CACNA2D3: variants seen among roughly 807,000 people sequenced by gnomAD.
CACNA2D3 encodes the protein voltage-dependent calcium channel subunit alpha-2/delta-3.
A neutral mutation model predicts 160.6 loss-of-function variants in CACNA2D3; 60 were observed. The ratio of observed to expected loss-of-function variants is 0.37; its 90% confidence interval spans 0.30 to 0.46. CACNA2D3 has a LOEUF of 0.46. Ranked by LOEUF, CACNA2D3 falls within the 20% of genes least tolerant of loss-of-function variation. The pLI, the probability that CACNA2D3 is intolerant of heterozygous loss-of-function variation, is 1.00. For missense variants in CACNA2D3, 1,205 were observed against 1,365.0 expected (o/e 0.88, Z 1.85); for synonymous variants, 558 against 492.9 (o/e 1.13, Z -1.75).
chr3:54,896,442 T>G (rs1700190607), intron 25 of CACNA2D3, among the ~76,000 whole-genome samples: 1 of 152,164 alleles, frequency 6.6e-6, no homozygotes, highest in African/African-American at 2.4e-5. Context: ...GGGACATCCT[T>G]GGGTTTTCTG....
chr3:54,149,777 G>C (rs1029002437), intron 2 of CACNA2D3, among the ~76,000 whole-genome samples: 1 of 152,128 alleles, frequency 6.6e-6, no homozygotes, highest in Non-Finnish European at 1.5e-5. Flanking sequence ...GGTTCTCTGA[G>C]ATTTAAAGAA....
chr3:54,371,014 C>G (rs1224807294), intron 3 of CACNA2D3, among the ~76,000 whole-genome samples: 1 of 152,108 alleles, frequency 6.6e-6, no homozygotes, highest in African/African-American at 2.4e-5. Context: ...TTCACTGAGC[C>G]TACCGTTTTC....
chr3:54,989,583 T>G (rs1226796203), intron 31 of CACNA2D3, among the ~76,000 whole-genome samples: 2 of 152,126 alleles, frequency 1.3e-5, no homozygotes, highest in African/African-American at 4.8e-5. Context: ...AGCTGCTTGA[T>G]TTAGTCAGAT....
In CACNA2D3 at chr3:54,972,936, G is replaced by A. The variant is rs151305386; in HGVS notation, c.2556+3092G>A. Among the ~76,000 whole-genome samples the A allele has an allele frequency of 4.0e-3, 606 of 152,236 alleles. 2 individuals are homozygous for A. Among genetic ancestry groups the A allele is most frequent in the African/African-American group, 0.014 (567 of 41,554 alleles). On this transcript the variant is annotated intron_variant, in intron 29 of 37. Coordinates refer to ENST00000474759, the MANE Select transcript of CACNA2D3 (RefSeq NM_018398.3). ...AGGCACCTGGTGCCTGGCTGAGCAC[G>A]GGGCAGTCAATGGGAAGCAGTCAGA...
intron 13 of CACNA2D3, among the ~76,000 whole-genome samples, chr3:54,797,984 A>G (rs888122350): frequency 6.6e-6 from 1 of 152,212 alleles, no homozygotes; most frequent in Admixed American, 6.5e-5. Context: ...ATTATATTTC[A>G]TCCTAGAAGG....
chr3:54,422,154 G>C (rs1699845455), intron 4 of CACNA2D3, among the ~76,000 whole-genome samples: 1 of 152,192 alleles, frequency 6.6e-6, no homozygotes, highest in African/African-American at 2.4e-5. Context: ...AATTGAACCT[G>C]GTAACGATGA....
chr3:54,808,296 C>G (rs942816590), intron 13 of CACNA2D3, among the ~76,000 whole-genome samples: 1 of 152,100 alleles, frequency 6.6e-6, no homozygotes, highest in Non-Finnish European at 1.5e-5. Flanking sequence ...CCATTAGAAG[C>G]TAGGTCTCAT....
chr3:54,370,668 A>T (rs1393904084), intron 3 of CACNA2D3, among the ~76,000 whole-genome samples: 2 of 152,202 alleles, frequency 1.3e-5, no homozygotes, highest in Non-Finnish European at 2.9e-5. Flanking sequence ...ATTGCACTCT[A>T]ATATACTAGA....
At chr3:54,401,099 A>G (rs1699453925) in intron 4 of CACNA2D3, among the ~76,000 whole-genome samples, 1 of 152,098 alleles carries the variant, frequency 6.6e-6, no homozygotes, top group Non-Finnish European at 1.5e-5. Flanking sequence ...TGAATGAAAT[A>G]AAAACTATAA....
intron 3 of CACNA2D3, among the ~76,000 whole-genome samples, chr3:54,361,064 A>G (rs1698733475): frequency 6.6e-6 from 1 of 152,166 alleles, no homozygotes; most frequent in African/African-American, 2.4e-5. Flanking sequence ...AAAAAATTCC[A>G]TATTTTCAGA....
At chr3:54,320,596 G>T in intron 3 of CACNA2D3, 38 bp downstream of exon 3, 1 of 1,146,368 alleles carries the variant, frequency 8.7e-7, no homozygotes, top group Non-Finnish European at 1.2e-6. Context: ...TCGCCTGAAG[G>T]CACAAAGGCA....
chr3:54,994,383 G>A (rs554320836), intron 31 of CACNA2D3, among the ~76,000 whole-genome samples: 4 of 152,168 alleles, frequency 2.6e-5, no homozygotes, highest in Non-Finnish European at 4.4e-5. Flanking sequence ...TAATGGCTTC[G>A]TGGCTTCCTG....
intron 4 of CACNA2D3, among the ~76,000 whole-genome samples, chr3:54,472,683 CAA>C (rs1302966746): frequency 3.3e-5 from 5 of 152,180 alleles, no homozygotes; most frequent in Non-Finnish European, 7.4e-5. Flanking sequence ...GCAACTTCAG[CAA>C]AGTCTCAGGA....
At chr3:54,168,594 T>A (rs1235428559) in intron 2 of CACNA2D3, among the ~76,000 whole-genome samples, 1 of 152,038 alleles carries the variant, frequency 6.6e-6, no homozygotes, top group Non-Finnish European at 1.5e-5. Flanking sequence ...ATTCCCAGAG[T>A]GTTTGCTGAG....
chr3:54,454,383 C>T (rs1401757868), intron 4 of CACNA2D3, among the ~76,000 whole-genome samples: 2 of 152,168 alleles, frequency 1.3e-5, no homozygotes, highest in Admixed American at 1.3e-4. Flanking sequence ...AGTCAGTCTC[C>T]TCACCCCATT....
intron 2 of CACNA2D3, among the ~76,000 whole-genome samples, chr3:54,209,769 C>T (rs886851005): frequency 2.0e-5 from 3 of 152,154 alleles, no homozygotes; most frequent in Admixed American, 6.5e-5. Flanking sequence ...CTAAAGTATA[C>T]GTTGGCTGTC....
At chr3:54,869,580 A>G (rs546187873) in intron 17 of CACNA2D3, among the ~76,000 whole-genome samples, 8 of 152,306 alleles carry the variant, frequency 5.3e-5, no homozygotes, top group Non-Finnish European at 1.0e-4. Flanking sequence ...AAATTACGAA[A>G]GTTCTGCATG....
At chr3:54,982,685 T>C (rs56178704) in intron 29 of CACNA2D3, among the ~76,000 whole-genome samples, 30,623 of 151,736 alleles carry the variant, frequency 0.2, 3,200 homozygotes, top group East Asian at 0.32. Flanking sequence ...AGAGCATCCT[T>C]GAGGGCTGCT....
At chr3:54,808,478 G>C (rs966104988) in intron 13 of CACNA2D3, among the ~76,000 whole-genome samples, 8 of 152,192 alleles carry the variant, frequency 5.3e-5, no homozygotes, top group Admixed American at 3.9e-4. Context: ...GGGAAAAGTG[G>C]GAGAGGGGTG....
Sources: allele counts gnomAD v4.1 joint callset (sites outside exome capture counted in the v4.1 genomes callset), GRCh38; gene constraint gnomAD v4.1.1; transcripts MANE v1.5; gene names NCBI Gene and HGNC (gene_info 2026-07-23, HGNC 2026-07-21).